Variants in EEF2KMT observed in about 807,000 individuals in gnomAD.
EEF2KMT encodes protein-lysine N-methyltransferase EEF2KMT.
EEF2KMT carries 30 observed loss-of-function variants against 35.1 expected under a neutral mutation model. The ratio of observed to expected loss-of-function variants is 0.85; its 90% confidence interval spans 0.64 to 1.16. The LOEUF (loss-of-function observed/expected upper bound fraction) is 1.16. Ranked by LOEUF, EEF2KMT falls within the 50% of genes most tolerant of loss-of-function variation. The probability of loss-of-function intolerance (pLI) is 0.00; values close to 1 mark genes in which losing one functional copy is unlikely to be tolerated. For missense variants in EEF2KMT, 499 were observed against 438.2 expected, an observed-to-expected ratio of 1.14 and a Z score of -1.24; for synonymous variants, 190 against 187.7, an observed-to-expected ratio of 1.01 and a Z score of -0.10.
In EEF2KMT at chr16:5,085,594, C is replaced by G; in HGVS notation, c.*38G>C. The stretch of plus-strand genomic sequence containing the variant: ...ATAAAAATTCTTCCCATGAGAGTGA[C>G]TTGATTCTCACAATCCCGTTGGAGT... On this transcript the variant is annotated 3_prime_UTR_variant, in exon 8 of 8. Coordinates refer to ENST00000427587, the MANE Select transcript of EEF2KMT (RefSeq NM_201400.4). 1 of 1,407,334 alleles carries G rather than the reference C, an allele frequency of 7.1e-7. No individual in the cohort carries two copies. The highest frequency in any genetic ancestry group is 1.0e-6 in the Non-Finnish European group (1 of 993,232). The allele number at this position is 1,407,334 out of a possible 1,614,324, so 87.2% of individuals were successfully genotyped here.
At chr16:5,091,049 C>T (rs755964939) in intron 4 of EEF2KMT, among the ~76,000 whole-genome samples, 4 of 151,996 alleles carry the variant, frequency 2.6e-5, no homozygotes, top group South Asian at 2.1e-4. Context: ...CAGGTAGCTG[C>T]GAATACAGGC....
intron 7 of EEF2KMT, among the ~76,000 whole-genome samples, chr16:5,088,754 G>C (rs1957271378): frequency 6.6e-6 from 1 of 152,144 alleles, no homozygotes; most frequent in African/African-American, 2.4e-5. Flanking sequence ...CTGTGCTCCA[G>C]CGTCCTGCAG....
Position 5,085,020 on chromosome 16 carries a change from A to C in EEF2KMT, c.*612T>G. ...ATGACAGCAGTGGTACTGCCTGGTA[A>C]AAGAATTGGTTCTGTGACCCGGGAA... On this transcript the variant is annotated 3_prime_UTR_variant, in exon 8 of 8. Coordinates refer to ENST00000427587, the MANE Select transcript of EEF2KMT (RefSeq NM_201400.4). 6.7e-7 allele frequency: 1 copy of C among 1,487,878 alleles called. No homozygotes were observed. The highest frequency in any genetic ancestry group is 9.2e-7 in the Non-Finnish European group (1 of 1,090,042). 92.2% of individuals were successfully genotyped at this position (1,487,878 alleles called of 1,614,324 possible).
Position 5,089,208 on chromosome 16 carries a change from C to T in EEF2KMT, c.791G>A (p.Arg264Gln), listed in dbSNP as rs201731046. ...GTGCTCCCGGCAGGCAGCCAGCCTC[C>T]GCAGGACCCCGACCAGCGACATGAT... is the stretch of plus-strand genomic sequence containing the variant. ...EAIMSLVGVL[R>Q]RLAACREHQR... is the part of the protein sequence containing the mutation. Residue 264 changes from arginine (R) to glutamine (Q), a missense_variant, in exon 7 of 8, where the codon CGG (arginine) becomes CAG (glutamine). By Grantham distance (43) the Arg-to-Gln change is conservative (BLOSUM62 1). Coordinates refer to ENST00000427587, the MANE Select transcript of EEF2KMT (RefSeq NM_201400.4). 1.4e-4 allele frequency: 219 copies of T among 1,609,920 alleles called. No individual in the cohort carries two copies. The highest frequency in any genetic ancestry group is 1.6e-4 in the Non-Finnish European group (192 of 1,179,842).
chr16:5,096,007 AG>A (rs1447745308), intron 1 of EEF2KMT, among the ~76,000 whole-genome samples: 1 of 152,086 alleles, frequency 6.6e-6, no homozygotes, highest in Admixed American at 6.6e-5. Context: ...ATGCCATAAA[AG>A]GCCCTACAAG....
intron 7 of EEF2KMT, among the ~76,000 whole-genome samples, chr16:5,086,106 C>T (rs1328517579): frequency 2.6e-5 from 4 of 152,140 alleles, no homozygotes; most frequent in Non-Finnish European, 4.4e-5. Flanking sequence ...GAGGCCAAGG[C>T]GGGCGGATCA....
Position 5,097,712 on chromosome 16 carries a change from C to G in EEF2KMT, c.28G>C (p.Glu10Gln), listed in dbSNP as rs1305758052. 8.9e-6 allele frequency: 14 copies of G among 1,574,834 alleles called. No individual in the cohort carries two copies. Among genetic ancestry groups the G allele is most frequent in the Admixed American group, 5.4e-5 (3 of 55,464 alleles). Residue 10 changes from glutamate (E) to glutamine (Q), a missense_variant, in exon 1 of 8, where the codon GAA (glutamate) becomes CAA (glutamine). Coordinates refer to ENST00000427587, the MANE Select transcript of EEF2KMT (RefSeq NM_201400.4). ...CGCTCGAAACTCTGCAGCAAGAGTT[C>G]GGTCCCCGCGTTCTCCTCGGGCGCC... is the stretch of plus-strand genomic sequence containing the variant. MAPEENAGTELLLQSFERRF... is the reference protein window; with the variant it reads MAPEENAGTQLLLQSFERRF...
chr16:5,092,632 C>T (rs189568251), intron 3 of EEF2KMT, among the ~76,000 whole-genome samples: 230 of 152,352 alleles, frequency 1.5e-3, no homozygotes, highest in Non-Finnish European at 2.7e-3. Flanking sequence ...CTCTCGACAT[C>T]CTCATGTCAA....
rs1190398962 is a variant in EEF2KMT at position 5,085,628 on chromosome 16, A to C, written c.*4T>G. ...CACAATCCCGTTGGAGTCGTGTGTG[A>C]GTCCTACAGGGTGAGATTCAGCATT... On this transcript the variant is annotated 3_prime_UTR_variant, in exon 8 of 8. Coordinates refer to ENST00000427587, the MANE Select transcript of EEF2KMT (RefSeq NM_201400.4). 1 of 1,590,854 alleles carries C rather than the reference A, an allele frequency of 6.3e-7. No individual in the cohort carries two copies. Among genetic ancestry groups the C allele is most frequent in the Non-Finnish European group, 8.6e-7 (1 of 1,160,614 alleles).
chr16:5,094,920 G>T (rs1409469781), intron 2 of EEF2KMT, among the ~76,000 whole-genome samples: 4 of 152,178 alleles, frequency 2.6e-5, no homozygotes, highest in Admixed American at 2.6e-4. Flanking sequence ...CCCTTCGAAC[G>T]TGAAGACCCA....
chr16:5,084,333 A>C lies in EEF2KMT; in HGVS notation c.*1299T>G, dbSNP rs553994403. 2.8e-4 allele frequency: 103 copies of C among 368,574 alleles called. 1 individual carries two copies. The highest frequency in any genetic ancestry group is 2.0e-3 in the African/African-American group (97 of 48,194). The allele number at this position is 368,574 out of a possible 1,614,324, so 22.8% of individuals were successfully genotyped here. ...TTCCAATAAAACTTTATTTACAAAC[A>C]CAGGCTGTGGGCTGGATTTGGCCTG... On this transcript the variant is annotated 3_prime_UTR_variant, in exon 8 of 8. Transcript: ENST00000427587.
chr16:5,090,699 T>A lies in EEF2KMT; in HGVS notation c.343-134A>T. On this transcript the variant is annotated intron_variant, in intron 4 of 7. Transcript: ENST00000427587. The surrounding 1 kb of genome is among the most constrained non-coding windows in gnomAD (Gnocchi z 4.1). ...CACTCAGCAATGAGAAGCAGCTAAC[T>A]GTTGGCATGCCAACAGCTTTCACGG... The A allele has an allele frequency of 8.0e-7, 1 of 1,247,584 alleles. No homozygotes were observed. The highest frequency in any genetic ancestry group is 1.1e-6 in the Non-Finnish European group (1 of 891,602). 77.3% of individuals were successfully genotyped at this position (1,247,584 alleles called of 1,614,324 possible).
chr16:5,089,025 G>A (rs1957279215), intron 7 of EEF2KMT, 82 bp downstream of exon 7: 1 of 1,603,834 alleles, frequency 6.2e-7, no homozygotes, highest in African/African-American at 1.3e-5. Context: ...CTTTTCCCCG[G>A]CACCCAGTTC....
Position 5,097,710 on chromosome 16 carries a change from T to A in EEF2KMT, c.30A>T (p.Glu10Asp). The stretch of plus-strand genomic sequence containing the variant: ...GGCGCTCGAAACTCTGCAGCAAGAG[T>A]TCGGTCCCCGCGTTCTCCTCGGGCG... MAPEENAGT[E>D]LLLQSFERRF... Residue 10 changes from glutamate (E) to aspartate (D), a missense_variant, in exon 1 of 8, where the codon GAA becomes GAT. Transcript: ENST00000427587. The A allele has an allele frequency of 1.3e-6, 2 of 1,576,576 alleles. No homozygotes were observed. The highest frequency in any genetic ancestry group is 1.7e-6 in the Non-Finnish European group (2 of 1,166,382).
chr16:5,095,970 G>A (rs1957453812), intron 1 of EEF2KMT, among the ~76,000 whole-genome samples: 4 of 152,232 alleles, frequency 2.6e-5, no homozygotes, highest in Middle Eastern at 6.8e-3. Flanking sequence ...ACAGGGCAAG[G>A]CACTTCATTG....
intron 3 of EEF2KMT, 172 bp from the exon 4 acceptor site, chr16:5,092,067 C>T (rs923779636): frequency 3.4e-5 from 43 of 1,266,732 alleles, no homozygotes; most frequent in Non-Finnish European, 4.5e-5. Context: ...CGAATAGTCC[C>T]AGCTACTCTA....
At chr16:5,088,752 C>T (rs1227967338) in intron 7 of EEF2KMT, among the ~76,000 whole-genome samples, 1 of 152,154 alleles carries the variant, frequency 6.6e-6, no homozygotes, top group Non-Finnish European at 1.5e-5. Flanking sequence ...TCCTGTGCTC[C>T]AGCGTCCTGC....
In EEF2KMT at chr16:5,084,465, C is replaced by G. The variant is rs1329925464; in HGVS notation, c.*1167G>C. The stretch of plus-strand genomic sequence containing the variant: ...GGGTGAGACTGCGTTGGCCAGAGGC[C>G]GAGAGGAGGGTGCTCACAGGGGAAT... On this transcript the variant is annotated 3_prime_UTR_variant, in exon 8 of 8. Coordinates refer to ENST00000427587, the MANE Select transcript of EEF2KMT (RefSeq NM_201400.4). 5 of 574,040 alleles carry G rather than the reference C, an allele frequency of 8.7e-6. No homozygotes were observed. The highest frequency in any genetic ancestry group is 1.9e-5 in the African/African-American group (1 of 53,314). 35.6% of individuals were successfully genotyped at this position (574,040 alleles called of 1,614,324 possible).
At chr16:5,091,981 G>C in intron 3 of EEF2KMT, 86 bp from the exon 4 acceptor site, 3 of 1,584,450 alleles carry the variant, frequency 1.9e-6, no homozygotes, top group Non-Finnish European at 2.6e-6. Flanking sequence ...TTGGAGGGGA[G>C]ATTTGCGATG....
Sources: allele counts gnomAD v4.1 joint callset (sites outside exome capture counted in the v4.1 genomes callset), GRCh38; gene constraint gnomAD v4.1.1; non-coding constraint Gnocchi (gnomAD v3.1); transcripts MANE v1.5; gene names NCBI Gene and HGNC (gene_info 2026-07-23, HGNC 2026-07-21).